Variants in SUCLG2 observed in about 807,000 individuals in gnomAD.
SUCLG2 encodes succinate-CoA ligase GDP-forming subunit beta.
In SUCLG2, 42 loss-of-function variants were observed where a neutral mutation model predicts 47.9. The observed-to-expected ratio is 0.88, with a 90% CI of 0.69 to 1.14. The LOEUF (loss-of-function observed/expected upper bound fraction) is 1.14, where lower values mean the gene tolerates loss of function less well. SUCLG2 is among the 50% of genes most tolerant of loss of function. SUCLG2 has a pLI of 0.00. For missense variants in SUCLG2, 571 were observed against 525.9 expected (o/e 1.09, Z -0.84); for synonymous variants, 195 against 197.3 (o/e 0.99, Z 0.10).
chr3:67,515,889 G>A (rs1306837140), intron 6 of SUCLG2, among the ~76,000 whole-genome samples: 3 of 152,068 alleles, frequency 2.0e-5, no homozygotes, highest in African/African-American at 7.2e-5. Flanking sequence ...ATACACTCAG[G>A]TGTCCCTAGA....
intron 1 of SUCLG2, among the ~76,000 whole-genome samples, chr3:67,621,460 G>C (rs149301195): frequency 1.3e-5 from 2 of 152,210 alleles, no homozygotes; most frequent in African/African-American, 4.8e-5. Flanking sequence ...CAAATCTTTT[G>C]CCCAAACTGG....
At chr3:67,538,690 A>G (rs540675042) in intron 2 of SUCLG2, among the ~76,000 whole-genome samples, 1 of 152,218 alleles carries the variant, frequency 6.6e-6, no homozygotes, top group Non-Finnish European at 1.5e-5. Context: ...CCTATCCATA[A>G]GCATGGAATG....
intron 2 of SUCLG2, among the ~76,000 whole-genome samples, chr3:67,571,194 C>T (rs1707597640): frequency 6.6e-6 from 1 of 152,112 alleles, no homozygotes; most frequent in South Asian, 2.1e-4. Flanking sequence ...GAACATTTGG[C>T]AATGTCTGGA....
intron 2 of SUCLG2, among the ~76,000 whole-genome samples, chr3:67,574,713 G>C (rs1314262601): frequency 6.6e-6 from 1 of 152,164 alleles, no homozygotes; most frequent in Non-Finnish European, 1.5e-5. Context: ...TAGTAAGTTG[G>C]ACTTTGTTAA....
At chr3:67,632,000 CT>C (rs1700933915) in intron 1 of SUCLG2, among the ~76,000 whole-genome samples, 1 of 152,222 alleles carries the variant, frequency 6.6e-6, no homozygotes, top group Non-Finnish European at 1.5e-5. Flanking sequence ...AGGTCAGGCA[CT>C]TCCCAGGGCT....
chr3:67,393,454 C>A (rs1347982530), intron 10 of SUCLG2, among the ~76,000 whole-genome samples: 5 of 152,180 alleles, frequency 3.3e-5, no homozygotes, highest in African/African-American at 1.2e-4. Flanking sequence ...TGCAAGGCGG[C>A]AGCGAGGCTG....
chr3:67,498,247 C>A lies in SUCLG2; in HGVS notation c.806G>T (p.Arg269Leu), dbSNP rs377513332. The A allele has an allele frequency of 3.1e-6, 5 of 1,613,744 alleles. No individual in the cohort carries two copies. In the East Asian group the frequency reaches 1.1e-4, roughly 36 times the overall value. The change falls in exon 8 of 11, where the codon CGA (arginine) becomes CTA (leucine). Residue 269 changes from arginine to leucine, a missense_variant. Physicochemically the swap from Arg to Leu is moderately radical, Grantham distance 102 (BLOSUM62 -2). Transcript: ENST00000307227. Reference sequence around the variant, plus strand: ...GTCCATAGCAAATATGTCTTTTTGTCGGAATTCTGCGTTGTCATCAAAGTT... The same window carrying A: ...GTCCATAGCAAATATGTCTTTTTGTAGGAATTCTGCGTTGTCATCAAAGTT... ...KINFDDNAEF[R>L]QKDIFAMDDK...
chr3:67,534,768 CAAAAAAAAAAAAAA>C (rs60612549), intron 2 of SUCLG2, among the ~76,000 whole-genome samples: 17 of 34,948 alleles, frequency 4.9e-4, no homozygotes, highest in East Asian at 4.4e-3. Context: ...ACACTGATGG[CAAAAAAAAAAAAAA>C]AAAAAAAAAA....
intron 1 of SUCLG2, among the ~76,000 whole-genome samples, chr3:67,632,109 T>C (rs1559605337): frequency 6.6e-6 from 1 of 152,188 alleles, no homozygotes; most frequent in Non-Finnish European, 1.5e-5. Flanking sequence ...AGTTTCTCTC[T>C]GCATTGAGCC....
At chr3:67,439,209 A>T (rs1224291591) in intron 9 of SUCLG2, among the ~76,000 whole-genome samples, 1 of 152,242 alleles carries the variant, frequency 6.6e-6, no homozygotes, top group Non-Finnish European at 1.5e-5. Context: ...AAAAACTCTG[A>T]ATAAACTTGG....
chr3:67,396,726 G>A lies in SUCLG2; in HGVS notation c.1183+4005C>T, dbSNP rs148853377. Among the ~76,000 whole-genome samples the A allele has an allele frequency of 2.9e-3, 446 of 152,204 alleles. 2 individuals carry two copies. Among genetic ancestry groups the A allele is most frequent in the Non-Finnish European group, 4.1e-3 (279 of 68,012 alleles). ...CTGGCAGAGACACAACCAAAAAAGA[G>A]AATTTTAGACCAACGTTCTTGATGA... On this transcript the variant is annotated intron_variant, in intron 10 of 10. Transcript: ENST00000307227.
intron 9 of SUCLG2, among the ~76,000 whole-genome samples, chr3:67,407,949 T>C (rs938036214): frequency 3.9e-5 from 6 of 152,180 alleles, no homozygotes; most frequent in African/African-American, 1.4e-4. Flanking sequence ...GAGATGCAGC[T>C]TGGATAATTG....
intron 9 of SUCLG2, among the ~76,000 whole-genome samples, chr3:67,429,474 G>A (rs1441048866): frequency 2.6e-5 from 4 of 152,098 alleles, no homozygotes; most frequent in East Asian, 1.9e-4. Flanking sequence ...AGGAATAACC[G>A]GTACCAGCCA....
chr3:67,384,395 T>TA (rs1304216146), intron 10 of SUCLG2, among the ~76,000 whole-genome samples: 8 of 152,258 alleles, frequency 5.3e-5, no homozygotes, highest in Middle Eastern at 3.4e-3. Context: ...CTGTTTTTGT[T>TA]AAAAAAAGAT....
chr3:67,445,732 T>C (rs1311875759), intron 9 of SUCLG2, among the ~76,000 whole-genome samples: 1 of 47,194 alleles, frequency 2.1e-5, no homozygotes, highest in Non-Finnish European at 4.4e-5. Context: ...TTCTGCTCAG[T>C]GTAAAAGTGG....
intron 9 of SUCLG2, among the ~76,000 whole-genome samples, chr3:67,486,972 A>G (rs1463505950): frequency 1.3e-5 from 2 of 152,214 alleles, no homozygotes; most frequent in African/African-American, 4.8e-5. Flanking sequence ...ATTTTAGCAC[A>G]CAGGCGAATT....
At chr3:67,588,807 G>T (rs1708086688) in intron 2 of SUCLG2, among the ~76,000 whole-genome samples, 1 of 152,222 alleles carries the variant, frequency 6.6e-6, no homozygotes, top group African/African-American at 2.4e-5. Context: ...AAGAGATGGG[G>T]TATGTACAGC....
intron 10 of SUCLG2, among the ~76,000 whole-genome samples, chr3:67,395,669 A>G (rs896586233): frequency 2.6e-5 from 4 of 152,216 alleles, no homozygotes; most frequent in Non-Finnish European, 4.4e-5. Context: ...CACCAAGTGG[A>G]CCTAATAGAC....
At chr3:67,596,472 G>C (rs558441914) in intron 2 of SUCLG2, among the ~76,000 whole-genome samples, 7 of 152,176 alleles carry the variant, frequency 4.6e-5, no homozygotes, top group Non-Finnish European at 8.8e-5. Context: ...AGGGAAAGTA[G>C]TTTTTGCCTC....
Sources: gnomAD v4.1 joint callset for allele counts (sites outside exome capture counted in the v4.1 genomes callset) on GRCh38, gnomAD v4.1.1 for gene constraint, MANE v1.5 for transcripts, NCBI Gene and HGNC (gene_info 2026-07-23, HGNC 2026-07-21) for gene names.